PRH1: variants seen among roughly 807,000 people sequenced by gnomAD.
PRH1 encodes the protein proline rich protein HaeIII subfamily 1.
PRH1 carries 7 observed loss-of-function variants against 7.9 expected under a neutral mutation model. That is an observed-to-expected ratio of 0.89 (90% CI 0.50 to 1.67). The LOEUF (loss-of-function observed/expected upper bound fraction) is 1.67. Among genes scored for constraint, PRH1 ranks in the 40% most tolerant of loss-of-function variants. The probability of loss-of-function intolerance (pLI) is 0.00; values close to 1 mark genes in which losing one functional copy is unlikely to be tolerated. For synonymous variants in PRH1, 45 were observed against 80.8 expected, an observed-to-expected ratio of 0.56 and a Z score of 2.38; for missense variants, 109 against 223.6, an observed-to-expected ratio of 0.49 and a Z score of 3.27.
intron 1 of PRH1, among the ~76,000 whole-genome samples, chr12:11,074,729 G>A (rs1305876605): frequency 8.7e-6 from 1 of 115,444 alleles, no homozygotes; most frequent in East Asian, 2.1e-4. Context: ...AGCCACCAAG[G>A]GGTTGGATAA....
chr12:11,008,376 A>T (rs1940921405), intron 1 of PRH1, among the ~76,000 whole-genome samples: 1 of 152,206 alleles, frequency 6.6e-6, no homozygotes, highest in Middle Eastern at 3.4e-3. Context: ...AAAACTGGGA[A>T]ATAGAGCAAT....
intron 1 of PRH1, among the ~76,000 whole-genome samples, chr12:11,062,681 T>C (rs566298532): frequency 1.3e-5 from 2 of 152,184 alleles, no homozygotes; most frequent in East Asian, 3.9e-4. Flanking sequence ...TCTCCATCAT[T>C]TGTCTTTAGT....
chr12:11,159,688 C>T (rs1020933940), intron 1 of PRH1: 1 of 152,022 alleles, frequency 6.6e-6, no homozygotes, highest in Non-Finnish European at 1.5e-5. Context: ...TTAATTCCAA[C>T]GAACATTTCT....
chr12:10,997,221 G>T, intron 1 of PRH1: 1 of 1,614,036 alleles, frequency 6.2e-7, no homozygotes, highest in Non-Finnish European at 8.5e-7. Context: ...TTGGTGCTGG[G>T]ATCTTGAGAT....
intron 1 of PRH1, among the ~76,000 whole-genome samples, chr12:11,150,677 G>T (rs905681934): frequency 3.3e-5 from 5 of 152,072 alleles, no homozygotes; most frequent in South Asian, 2.1e-4. Flanking sequence ...TTGTGGGGTT[G>T]GGGGAAGGGG....
chr12:10,890,393 G>A (rs954086785), intron 2 of PRH1, among the ~76,000 whole-genome samples: 4 of 151,776 alleles, frequency 2.6e-5, no homozygotes, highest in African/African-American at 9.7e-5. Flanking sequence ...TGGTGTGTGT[G>A]TGTGTGTGTT....
At chr12:10,912,316 A>G (rs1190677475) in intron 2 of PRH1, among the ~76,000 whole-genome samples, 1 of 152,024 alleles carries the variant, frequency 6.6e-6, no homozygotes, top group Admixed American at 6.5e-5. Context: ...TCCGTTGCCT[A>G]TTTCTTCTGG....
chr12:10,997,930 C>T, intron 1 of PRH1: 6 of 1,129,400 alleles, frequency 5.3e-6, no homozygotes, highest in Non-Finnish European at 7.5e-6. Flanking sequence ...GATGGTGACT[C>T]CTCTGATATT....
chr12:11,021,980 A>T, intron 1 of PRH1: 7 of 1,603,600 alleles, frequency 4.4e-6, no homozygotes, highest in Non-Finnish European at 5.1e-6. Context: ...GAACAGATTA[A>T]CAGCAGAAAA....
At chr12:10,969,629 T>C (rs953844029) in intron 2 of PRH1, among the ~76,000 whole-genome samples, 1 of 151,968 alleles carries the variant, frequency 6.6e-6, no homozygotes, top group African/African-American at 2.4e-5. Flanking sequence ...ACCTGCTCTT[T>C]GGTTTTTCTG....
Position 10,932,177 on chromosome 12 carries a change from A to G in PRH1, c.-59+41478T>C, listed in dbSNP as rs563333911. ...GCAGTAAACCAATGAGGTATTAGAC[A>G]TTTCCTGCCATGTCAAGTCTTGCCT... On this transcript the variant is annotated intron_variant, in intron 2 of 3. Transcript: ENST00000539853. 48 of 425,684 alleles carry G rather than the reference A, an allele frequency of 1.1e-4. 1 individual carries two copies. The highest frequency in any genetic ancestry group is 7.3e-4 in the South Asian group (45 of 61,586). The allele number at this position is 425,684 out of a possible 1,614,324, so 26.4% of individuals were successfully genotyped here. A position where few individuals can be genotyped will look rare whatever the true frequency, so the allele number is the denominator to read the frequency against.
chr12:10,925,289 G>A (rs917169192), intron 2 of PRH1, among the ~76,000 whole-genome samples: 1 of 152,080 alleles, frequency 6.6e-6, no homozygotes, highest in Non-Finnish European at 1.5e-5. Context: ...CACCAGCTCT[G>A]GGGCCAGGAC....
At chr12:10,986,788 C>T in intron 1 of PRH1, 1 of 1,582,986 alleles carries the variant, frequency 6.3e-7, no homozygotes, top group Non-Finnish European at 8.5e-7. Flanking sequence ...GCTATGAAGC[C>T]ATTGGCAAAG....
intron 1 of PRH1, chr12:11,061,987 C>T: frequency 6.2e-7 from 1 of 1,613,830 alleles, no homozygotes; most frequent in East Asian, 2.2e-5. Flanking sequence ...ATAAAATATG[C>T]TGAGGCTAGT....
chr12:11,132,596 T>G (rs568091931), intron 1 of PRH1, among the ~76,000 whole-genome samples: 7 of 152,218 alleles, frequency 4.6e-5, no homozygotes, highest in African/African-American at 1.7e-4. Context: ...TCATCCCTCT[T>G]ATAGCAGAGA....
intron 1 of PRH1, among the ~76,000 whole-genome samples, chr12:11,100,953 T>G (rs1393485045): frequency 1.3e-5 from 2 of 152,184 alleles, no homozygotes; most frequent in East Asian, 3.8e-4. Context: ...AATATTTCAT[T>G]TAGAGACACA....
At chr12:11,005,953 C>T (rs1196533999) in intron 1 of PRH1, 1 of 152,010 alleles carries the variant, frequency 6.6e-6, no homozygotes, top group Non-Finnish European at 1.5e-5. Flanking sequence ...TATGAATATT[C>T]ACTTTTATTT....
chr12:10,990,578 A>G (rs1939886527), intron 1 of PRH1, among the ~76,000 whole-genome samples: 1 of 152,180 alleles, frequency 6.6e-6, no homozygotes, highest in African/African-American at 2.4e-5. Flanking sequence ...ATGAGATGAG[A>G]AGCCACTGAA....
At chr12:11,147,592 C>T (rs1811171945) in intron 1 of PRH1, among the ~76,000 whole-genome samples, 1 of 152,266 alleles carries the variant, frequency 6.6e-6, no homozygotes, top group African/African-American at 2.4e-5. Flanking sequence ...TTTTCTTATG[C>T]TAATAGTACC....
Sources: gnomAD v4.1 joint callset for allele counts (sites outside exome capture counted in the v4.1 genomes callset) on GRCh38, gnomAD v4.1.1 for gene constraint, MANE v1.5 for transcripts, NCBI Gene and HGNC (gene_info 2026-07-23, HGNC 2026-07-21) for gene names.